The following RRP1 variants were observed in gnomAD, a reference collection of about 807,000 sequenced individuals.
RRP1 encodes the protein ribosomal RNA processing protein 1 homolog A.
Under a neutral mutation model 54.6 loss-of-function variants are expected in RRP1, and 37 were observed. That is an observed-to-expected ratio of 0.68 (90% CI 0.52 to 0.89). The LOEUF (loss-of-function observed/expected upper bound fraction) is 0.89. RRP1 is among the 40% of genes least tolerant of loss of function. RRP1 has a pLI of 0.00. For synonymous variants in RRP1, 262 were observed against 244.3 expected (o/e 1.07, Z -0.67); for missense variants, 639 against 612.5 (o/e 1.04, Z -0.46).
chr21:43,797,274 G>T, intron 5 of RRP1, 148 bp from the exon 6 acceptor site: 1 of 1,352,348 alleles, frequency 7.4e-7, no homozygotes, highest in Non-Finnish European at 9.8e-7. Context: ...TATCATCTGC[G>T]TGGACTTTAA....
intron 2 of RRP1, 35 bp downstream of exon 2, chr21:43,791,467 C>A (rs747722719): frequency 6.3e-7 from 1 of 1,594,870 alleles, no homozygotes; most frequent in Non-Finnish European, 8.6e-7. Flanking sequence ...GGTACAGAAG[C>A]AGCGGGGGAG....
intron 11 of RRP1, among the ~76,000 whole-genome samples, chr21:43,801,174 G>A (rs2085086177): frequency 1.3e-5 from 2 of 152,230 alleles, no homozygotes; most frequent in Admixed American, 6.5e-5. Context: ...CTGCTGGTCT[G>A]TTGGGCAGCA....
chr21:43,796,988 C>G (rs1009295794), intron 5 of RRP1, among the ~76,000 whole-genome samples: 1 of 152,312 alleles, frequency 6.6e-6, no homozygotes, highest in African/African-American at 2.4e-5. Flanking sequence ...GGGCCTCCAC[C>G]TTCCTTTCTC....
At chr21:43,803,366 A>G (rs2085112303) in intron 12 of RRP1, 146 bp from the exon 13 acceptor site, 3 of 1,149,300 alleles carry the variant, frequency 2.6e-6, no homozygotes, top group Non-Finnish European at 3.6e-6. Context: ...TGGCGCCCAC[A>G]CTGGACACGG....
At chr21:43,791,157 C>A in intron 1 of RRP1, 193 bp from the exon 2 acceptor site, 2 of 652,972 alleles carry the variant, frequency 3.1e-6, no homozygotes, top group East Asian at 2.9e-5. Flanking sequence ...CCTGGAGTAG[C>A]CGCATAGCCA....
At chr21:43,799,934 C>T (rs2085067868) in intron 9 of RRP1, among the ~76,000 whole-genome samples, 1 of 152,218 alleles carries the variant, frequency 6.6e-6, no homozygotes, top group Non-Finnish European at 1.5e-5. Flanking sequence ...TCACCTCACG[C>T]TGTCCTCTTG....
chr21:43,800,865 G>A lies in RRP1; in HGVS notation c.993G>A (p.Leu331=), dbSNP rs749649889. Residue 331 remains leucine (L), a synonymous_variant, in exon 11 of 13, where the codon CTG becomes CTA. Coordinates refer to ENST00000497547, the MANE Select transcript of RRP1 (RefSeq NM_003683.6). ...RKRLYKVIRK[L]QDLAGGIFPE... The stretch of plus-strand genomic sequence containing the variant: ...GGTATCTGTCTTACTCTTTCAGGCT[G>A]CAGGACCTGGCAGGAGGTGAGGATC... The A allele has an allele frequency of 8.7e-6, 14 of 1,613,708 alleles. No individual in the cohort carries two copies. Among genetic ancestry groups the A allele is most frequent in the Non-Finnish European group, 1.1e-5 (13 of 1,180,032 alleles).
intron 12 of RRP1, 138 bp from the exon 13 acceptor site, chr21:43,803,374 C>T (rs896009776): frequency 2.0e-5 from 24 of 1,210,178 alleles, no homozygotes; most frequent in African/African-American, 1.7e-4. Flanking sequence ...ACACTGGACA[C>T]GGGATGCGTC....
intron 12 of RRP1, among the ~76,000 whole-genome samples, chr21:43,802,764 C>G (rs1297373793): frequency 6.6e-6 from 1 of 152,120 alleles, no homozygotes; most frequent in African/African-American, 2.4e-5. Context: ...TCCCCTTCTT[C>G]CCTCCACTTC....
rs1279190568 is a variant in RRP1 at position 43,803,732 on chromosome 21, C to T, written c.1344C>T (p.Ala448=). ...RPLTSARAKA[A]NVQEPEKKKK... ...TGACCAGTGCCCGAGCAAAGGCGGC[C>T]AATGTCCAGGAGCCGGAGAAGAAGA... The change falls in exon 13 of 13, where the codon GCC becomes GCT. Residue 448 remains alanine (A), a synonymous_variant. Transcript: ENST00000497547. 6.4e-7 allele frequency: 1 copy of T among 1,573,074 alleles called. No individual in the cohort carries two copies. The highest frequency in any genetic ancestry group is 1.3e-5 in the African/African-American group (1 of 74,468).
intron 3 of RRP1, chr21:43,793,008 A>C (rs1196161540): frequency 1.4e-5 from 8 of 560,226 alleles, no homozygotes; most frequent in African/African-American, 1.3e-4. Context: ...TAATGTCACC[A>C]AGAGATTGGA....
intron 1 of RRP1, chr21:43,790,706 G>T: frequency 4.0e-6 from 1 of 249,370 alleles, no homozygotes; most frequent in South Asian, 4.1e-5. Flanking sequence ...TCCCATCTCA[G>T]CCTCCCCAAT....
chr21:43,792,219 CT>C (rs2084967696), intron 2 of RRP1, among the ~76,000 whole-genome samples: 1 of 152,204 alleles, frequency 6.6e-6, no homozygotes, highest in Admixed American at 6.5e-5. Flanking sequence ...TGAAATGTCC[CT>C]TAGCAAGTAT....
chr21:43,792,837 G>A, intron 3 of RRP1, 108 bp downstream of exon 3: 3 of 1,212,832 alleles, frequency 2.5e-6, no homozygotes, highest in Non-Finnish European at 3.6e-6. Flanking sequence ...AGTAAGGAAT[G>A]CCTAAGGGCA....
At chr21:43,797,058 A>G (rs2085026483) in intron 5 of RRP1, among the ~76,000 whole-genome samples, 1 of 152,172 alleles carries the variant, frequency 6.6e-6, no homozygotes, top group Non-Finnish European at 1.5e-5. Flanking sequence ...GTGGAGAGGA[A>G]CACCAGGCAG....
At chr21:43,799,221 C>A (rs2085056239) in intron 8 of RRP1, among the ~76,000 whole-genome samples, 1 of 152,154 alleles carries the variant, frequency 6.6e-6, no homozygotes, top group Non-Finnish European at 1.5e-5. Flanking sequence ...GAACTTTTGA[C>A]ATGGCCTTTG....
Position 43,795,384 on chromosome 21 carries a change from A to G in RRP1, c.422+134A>G. 3.6e-6 allele frequency: 3 copies of G among 829,174 alleles called. 1 individual carries two copies. In the South Asian group the frequency reaches 4.5e-5, roughly 12 times the overall value. The allele number at this position is 829,174 out of a possible 1,614,324, so 51.4% of individuals were successfully genotyped here. A position where few individuals can be genotyped will look rare whatever the true frequency, so the allele number is the denominator to read the frequency against. On this transcript the variant is annotated intron_variant, in intron 5 of 12. Coordinates refer to ENST00000497547, the MANE Select transcript of RRP1 (RefSeq NM_003683.6). ...ATGCCCCCAATCGTGCTTAGAGAGA[A>G]GATAGTTTTTAAAGTAAAAATCAGT...
rs552097594 is a variant in RRP1 at position 43,796,687 on chromosome 21, A to C, written c.423-735A>C. Among the ~76,000 whole-genome samples the C allele has an allele frequency of 1.5e-3, 234 of 152,208 alleles. 1 individual carries two copies. Among genetic ancestry groups the C allele is most frequent in the Non-Finnish European group, 1.0e-3 (69 of 68,014 alleles). ...TTTTTCCTGAGCCTTAGAGAGCATC[A>C]CTTTTCCTTTCCATCACGAGTGATT... On this transcript the variant is annotated intron_variant, in intron 5 of 12. Transcript: ENST00000497547.
In RRP1 at chr21:43,792,663, C is replaced by G; in HGVS notation, c.217-9C>G. On this transcript the variant is annotated splice_polypyrimidine_tract_variant and intron_variant, in intron 2 of 12. Coordinates refer to ENST00000497547, the MANE Select transcript of RRP1 (RefSeq NM_003683.6). ...GGGGCTGAGGGCGTTTTTGTTGTTT[C>G]CTACACAGGAAGAATTAGGAAGGAC... The G allele has an allele frequency of 6.2e-7, 1 of 1,614,054 alleles. No individual in the cohort carries two copies. Among genetic ancestry groups the G allele is most frequent in the Admixed American group, 1.7e-5 (1 of 60,008 alleles).
Sources: allele counts gnomAD v4.1 joint callset (sites outside exome capture counted in the v4.1 genomes callset), GRCh38; gene constraint gnomAD v4.1.1; transcripts MANE v1.5; gene names NCBI Gene and HGNC (gene_info 2026-07-23, HGNC 2026-07-21).